LSM12: variants seen among roughly 807,000 people sequenced by gnomAD.
LSM12 encodes LSM12 homolog.
For missense variants in LSM12, 108 were observed against 238.9 expected (o/e 0.45, Z 3.61); for synonymous variants, 74 against 87.3 (o/e 0.85, Z 0.85).
At chr17:44,045,273 G>T (rs555076593) in intron 2 of LSM12, among the ~76,000 whole-genome samples, 1 of 152,174 alleles carries the variant, frequency 6.6e-6, no homozygotes, top group South Asian at 2.1e-4. Context: ...TGATCTGCCC[G>T]CCTCAGCCTC....
chr17:44,045,625 T>C (rs961257704), intron 2 of LSM12, among the ~76,000 whole-genome samples: 2 of 152,066 alleles, frequency 1.3e-5, no homozygotes, highest in Non-Finnish European at 2.9e-5. Flanking sequence ...GGCTGGAATG[T>C]AATGGCACAA....
chr17:44,044,234 G>T (rs1041824065), intron 2 of LSM12, among the ~76,000 whole-genome samples: 7 of 152,252 alleles, frequency 4.6e-5, no homozygotes, highest in Admixed American at 1.3e-4. Context: ...TTGAATTTTT[G>T]CCAGAGAGAA....
chr17:44,059,140 G>T (rs1051895947), intron 2 of LSM12, among the ~76,000 whole-genome samples: 1 of 152,082 alleles, frequency 6.6e-6, no homozygotes, highest in African/African-American at 2.4e-5. Flanking sequence ...CTGCACTCTA[G>T]CCTGGTCAAC....
intron 2 of LSM12, among the ~76,000 whole-genome samples, chr17:44,045,377 A>C (rs1017028645): frequency 6.6e-6 from 1 of 152,184 alleles, no homozygotes; most frequent in Non-Finnish European, 1.5e-5. Context: ...TATAAATGGA[A>C]TGATACAATG....
chr17:44,042,432 T>C (rs1180472577), intron 2 of LSM12, among the ~76,000 whole-genome samples: 4 of 152,106 alleles, frequency 2.6e-5, no homozygotes, highest in African/African-American at 4.8e-5. Flanking sequence ...TGAGTTTCAC[T>C]CTTGTTGCCC....
intron 1 of LSM12, among the ~76,000 whole-genome samples, chr17:44,065,616 A>C (rs2049862855): frequency 6.6e-6 from 1 of 152,066 alleles, no homozygotes; most frequent in Non-Finnish European, 1.5e-5. Context: ...TTCCACCCCA[A>C]AGAAGCAGGC....
At chr17:44,053,137 C>T (rs190867612) in intron 2 of LSM12, among the ~76,000 whole-genome samples, 84 of 152,276 alleles carry the variant, frequency 5.5e-4, no homozygotes, top group Admixed American at 9.2e-4. Context: ...CCTCCACTGT[C>T]ACATCTGAAG....
rs752269831 is a variant in LSM12, at chr17:44,040,167, G to A, written c.348C>T (p.Leu116=). The A allele has an allele frequency of 1.2e-6, 2 of 1,613,684 alleles. No individual in the cohort carries two copies. The highest frequency in any genetic ancestry group is 8.5e-7 in the Non-Finnish European group (1 of 1,179,614). Reference sequence around the variant, plus strand: ...CTCACGTCTTGTGAATGGTCTGGAAGAGCTGCTGGCCCTCTAGAGAGACAC... The same window carrying A: ...CTCACGTCTTGTGAATGGTCTGGAAAAGCTGCTGGCCCTCTAGAGAGACAC... The part of the protein sequence containing the change: ...SAGVSLEGQQ[L]FQTIHKTIKD... Residue 116 remains leucine (L), a synonymous_variant, in exon 3 of 5, where the codon CTC becomes CTT. Transcript: ENST00000293406.
intron 2 of LSM12, among the ~76,000 whole-genome samples, chr17:44,045,728 G>A (rs981338799): frequency 9.9e-5 from 15 of 151,974 alleles, no homozygotes; most frequent in Non-Finnish European, 2.2e-4. Flanking sequence ...ACACCACCAC[G>A]CCCAGCTAAG....
chr17:44,052,622 G>A (rs2049660853), intron 2 of LSM12, among the ~76,000 whole-genome samples: 1 of 152,012 alleles, frequency 6.6e-6, no homozygotes, highest in Admixed American at 6.6e-5. Context: ...AGCCGGGCAT[G>A]GTGGCGGGTA....
intron 2 of LSM12, 34 bp downstream of exon 2, chr17:44,063,767 T>C: frequency 6.3e-7 from 1 of 1,593,464 alleles, no homozygotes; most frequent in Non-Finnish European, 8.6e-7. Context: ...TTTCCCACCA[T>C]TTTAGAGAGC....
At chr17:44,051,460 G>T (rs1018857285) in intron 2 of LSM12, among the ~76,000 whole-genome samples, 6 of 151,510 alleles carry the variant, frequency 4.0e-5, no homozygotes, top group African/African-American at 1.5e-4. Context: ...CAGCTTCTCG[G>T]GAGCCTAGCT....
chr17:44,043,952 T>TA (rs2049528497), intron 2 of LSM12, among the ~76,000 whole-genome samples: 1 of 152,118 alleles, frequency 6.6e-6, no homozygotes, highest in Non-Finnish European at 1.5e-5. Flanking sequence ...CAATCCCCTT[T>TA]AAAAACGTTT....
At chr17:44,066,235 G>A (rs1168886308) in intron 1 of LSM12, among the ~76,000 whole-genome samples, 1 of 146,370 alleles carries the variant, frequency 6.8e-6, no homozygotes, top group African/African-American at 2.6e-5. Context: ...ACTGATCCTC[G>A]GTAAAGCCCC....
intron 1 of LSM12, among the ~76,000 whole-genome samples, chr17:44,065,745 C>G (rs2049864686): frequency 6.6e-6 from 1 of 152,154 alleles, no homozygotes. Flanking sequence ...TCACCTGTAA[C>G]TCACACATCC....
At chr17:44,049,983 G>C (rs1385360545) in intron 2 of LSM12, among the ~76,000 whole-genome samples, 4 of 152,226 alleles carry the variant, frequency 2.6e-5, no homozygotes, top group Non-Finnish European at 5.9e-5. Context: ...ACGCCTGCAA[G>C]CCTGGTGGGT....
At chr17:44,050,440 G>C (rs1210228341) in intron 2 of LSM12, among the ~76,000 whole-genome samples, 1 of 151,616 alleles carries the variant, frequency 6.6e-6, no homozygotes, top group East Asian at 2.0e-4. Context: ...GCAACAAATA[G>C]GCTCTCAAAA....
chr17:44,052,894 TTAAAAATATAAATAA>T (rs1343364705), intron 2 of LSM12, among the ~76,000 whole-genome samples: 1 of 151,932 alleles, frequency 6.6e-6, no homozygotes, highest in Non-Finnish European at 1.5e-5. Context: ...AAACTCTGTC[TTAAAAATATAAATAA>T]ATAAATAAAG....
At chr17:44,045,963 G>A (rs1376779410) in intron 2 of LSM12, among the ~76,000 whole-genome samples, 2 of 136,320 alleles carry the variant, frequency 1.5e-5, no homozygotes, top group Admixed American at 1.6e-4. Flanking sequence ...TTGAGACGGA[G>A]TCTCGCTCTG....
Sources: allele counts gnomAD v4.1 joint callset (sites outside exome capture counted in the v4.1 genomes callset), GRCh38; gene constraint gnomAD v4.1.1; transcripts MANE v1.5; gene names NCBI Gene and HGNC (gene_info 2026-07-23, HGNC 2026-07-21).